SVEP1: variants seen among roughly 807,000 people sequenced by gnomAD.
SVEP1 encodes sushi, von Willebrand factor type A, EGF and pentraxin domain containing 1.
SVEP1 carries 164 observed loss-of-function variants against 367.3 expected under a neutral mutation model. The observed-to-expected ratio is 0.45, with a 90% CI of 0.39 to 0.51. SVEP1 has a LOEUF of 0.51. Ranked by LOEUF, SVEP1 falls within the 20% of genes least tolerant of loss-of-function variation. SVEP1 has a pLI of 0.00. For missense variants in SVEP1, 4,117 were observed against 4,425.3 expected, an observed-to-expected ratio of 0.93 and a Z score of 1.98; for synonymous variants, 1,666 against 1,611.6, an observed-to-expected ratio of 1.03 and a Z score of -0.81.
intron 1 of SVEP1, 83 bp downstream of exon 1, chr9:110,578,930 A>T: frequency 6.8e-7 from 1 of 1,465,016 alleles, no homozygotes; most frequent in Non-Finnish European, 9.1e-7. Flanking sequence ...CCAGGACTGA[A>T]CCCCGGGATA....
At chr9:110,527,090 T>G (rs1829948330) in intron 3 of SVEP1, among the ~76,000 whole-genome samples, 1 of 152,068 alleles carries the variant, frequency 6.6e-6, no homozygotes. Context: ...AGGATTATTG[T>G]GGTGGTAGAA....
chr9:110,566,688 C>T (rs931602688), intron 1 of SVEP1, among the ~76,000 whole-genome samples: 9 of 152,266 alleles, frequency 5.9e-5, no homozygotes, highest in Middle Eastern at 3.4e-3. Context: ...GGTGGTAATG[C>T]TTTTGGCAGA....
At chr9:110,509,928 C>T (rs146415527) in intron 5 of SVEP1, among the ~76,000 whole-genome samples, 293 of 151,908 alleles carry the variant, frequency 1.9e-3, no homozygotes, top group Non-Finnish European at 3.3e-3. Context: ...AAGTTAGTTA[C>T]ATTGGGAAAT....
intron 1 of SVEP1, 112 bp downstream of exon 1, chr9:110,578,901 T>TG (rs1361211477): frequency 4.2e-6 from 5 of 1,204,236 alleles, no homozygotes; most frequent in African/African-American, 1.6e-5. Flanking sequence ...ACGCTTGACT[T>TG]GGGGTGGTTA....
chr9:110,387,485 T>C (rs1379128742), intron 41 of SVEP1, 27 bp from the exon 42 acceptor site: 1 of 1,562,428 alleles, frequency 6.4e-7, no homozygotes, highest in Non-Finnish European at 8.6e-7. Flanking sequence ...AAGCCTCATA[T>C]TAATTGCTTC....
intron 8 of SVEP1, among the ~76,000 whole-genome samples, chr9:110,491,033 A>C (rs1829358571): frequency 6.6e-6 from 1 of 151,994 alleles, no homozygotes; most frequent in Non-Finnish European, 1.5e-5. Flanking sequence ...TTTAAACTAT[A>C]ATTTGGAAAT....
intron 36 of SVEP1, 74 bp downstream of exon 36, chr9:110,427,517 G>A: frequency 6.6e-7 from 1 of 1,507,372 alleles, no homozygotes; most frequent in Non-Finnish European, 8.9e-7. Context: ...GTGTCCAATG[G>A]AGCCCATCTC....
chr9:110,410,522 G>A (rs1479104355), intron 37 of SVEP1, among the ~76,000 whole-genome samples: 1 of 152,116 alleles, frequency 6.6e-6, no homozygotes, highest in Non-Finnish European at 1.5e-5. Context: ...TATCCATCCT[G>A]AAAAACCTCT....
chr9:110,465,797 T>C lies in SVEP1; in HGVS notation c.3322+68A>G. The C allele has an allele frequency of 2.0e-6, 3 of 1,523,788 alleles. No individual in the cohort carries two copies. In the South Asian group the frequency reaches 3.7e-5, roughly 19 times the overall value. 94.4% of individuals were successfully genotyped at this position (1,523,788 alleles called of 1,614,324 possible). On this transcript the variant is annotated intron_variant, in intron 18 of 47. Coordinates refer to ENST00000374469, the MANE Select transcript of SVEP1 (RefSeq NM_153366.4). ...AGTAGATGTATGTTTTTGCAGAAAA[T>C]ATGCCACTCCTTCATGCATAGAACC...
At chr9:110,474,609 C>T (rs1020240733) in intron 14 of SVEP1, among the ~76,000 whole-genome samples, 4 of 152,154 alleles carry the variant, frequency 2.6e-5, no homozygotes, top group East Asian at 1.9e-4. Flanking sequence ...CTTGTGCCCC[C>T]AAAACCTACC....
Position 110,411,584 on chromosome 9 carries a change from C to T in SVEP1, c.6127G>A (p.Ala2043Thr). 1 of 1,613,916 alleles carries T rather than the reference C, an allele frequency of 6.2e-7. No individual in the cohort carries two copies. The highest frequency in any genetic ancestry group is 8.5e-7 in the Non-Finnish European group (1 of 1,179,868). ...ETAHRLFGDI[A>T]FYYCSDGYSL... is the part of the protein sequence containing the mutation. ...TAACCATCAGAGCAGTAGTAGAATG[C>T]AATGTCTCCAAAGAGCCGATGGGCA... Residue 2043 changes from alanine to threonine, a missense_variant, in exon 37 of 48, where the codon GCA (alanine) becomes ACA (threonine). Ala to Thr is a moderately conservative substitution (Grantham distance 58). Around this residue, in one of 4 missense-constraint regions of SVEP1, gnomAD observed 2,174 missense variants for 2,494.3 expected, o/e 0.87. Coordinates refer to ENST00000374469, the MANE Select transcript of SVEP1 (RefSeq NM_153366.4).
chr9:110,522,753 G>T (rs1190562386), intron 3 of SVEP1, among the ~76,000 whole-genome samples: 1 of 152,098 alleles, frequency 6.6e-6, no homozygotes, highest in African/African-American at 2.4e-5. Flanking sequence ...GTAACATTCA[G>T]GCTGTAGTTG....
intron 1 of SVEP1, among the ~76,000 whole-genome samples, chr9:110,554,525 A>T (rs1283220897): frequency 1.3e-5 from 2 of 152,214 alleles, no homozygotes; most frequent in African/African-American, 4.8e-5. Context: ...GAATGTTCAA[A>T]ATGAGTTTGC....
chr9:110,445,860 G>C lies in SVEP1; in HGVS notation c.4440C>G (p.Thr1480=). Reference sequence around the variant, plus strand: ...ACCCGTTATAATCAGTCAGGAGCAAGGTATTGTCGCTGCCGTTATCAACTG... The same window carrying C: ...ACCCGTTATAATCAGTCAGGAGCAACGTATTGTCGCTGCCGTTATCAACTG... The part of the protein sequence containing the change: ...SYAVDNGSDN[T]LLLTDYNGWV... Residue 1480 remains threonine (T), a synonymous_variant, in exon 26 of 48, where the codon ACC becomes ACG. Transcript: ENST00000374469. 1 of 1,613,848 alleles carries C rather than the reference G, an allele frequency of 6.2e-7. No homozygotes were observed. Among genetic ancestry groups the C allele is most frequent in the Non-Finnish European group, 8.5e-7 (1 of 1,179,806 alleles).
In SVEP1 at chr9:110,366,009, A is replaced by G. The variant is rs1827193286; in HGVS notation, c.*530T>C. The G allele has an allele frequency of 6.6e-6, 1 of 152,232 alleles. No individual in the cohort carries two copies. The highest frequency in any genetic ancestry group is 1.5e-5 in the Non-Finnish European group (1 of 68,066). The allele number at this position is 152,232 out of a possible 1,614,324, so 9.4% of individuals were successfully genotyped here. A position where few individuals can be genotyped will look rare whatever the true frequency, so the allele number is the denominator to read the frequency against. ...CTCTCTGATTGATTAAATGAAAGAA[A>G]AAGCTTTTATTATTACACATATTGT... is the stretch of plus-strand genomic sequence containing the variant. On this transcript the variant is annotated 3_prime_UTR_variant, in exon 48 of 48. Transcript: ENST00000374469.
At chr9:110,514,252 C>G (rs1829766204) in intron 3 of SVEP1, 146 bp from the exon 4 acceptor site, 1 of 1,004,256 alleles carries the variant, frequency 1.0e-6, no homozygotes, top group Admixed American at 2.1e-5. Context: ...TGGCTCACGC[C>G]TGTAATCCCT....
At chr9:110,495,471 AAC>A (rs1829431544) in intron 8 of SVEP1, among the ~76,000 whole-genome samples, 1 of 152,212 alleles carries the variant, frequency 6.6e-6, no homozygotes, top group Non-Finnish European at 1.5e-5. Context: ...GAGACTGTTC[AAC>A]ACACAAACCA....
chr9:110,517,165 C>T lies in SVEP1; in HGVS notation c.965-3059G>A, dbSNP rs79947562. 2.8e-3 allele frequency among the ~76,000 whole-genome samples: 424 copies of T among 152,214 alleles called. 1 individual carries two copies. Among genetic ancestry groups the T allele is most frequent in the African/African-American group, 9.5e-3 (393 of 41,550 alleles). On this transcript the variant is annotated intron_variant, in intron 3 of 47. Transcript: ENST00000374469. ...ATGTGCATAGCTTAGAAAACAAAGC[C>T]ATTTTATTTTATGTCCAGGCATGGT...
intron 5 of SVEP1, among the ~76,000 whole-genome samples, chr9:110,506,112 T>C (rs1048218722): frequency 1.3e-5 from 2 of 152,200 alleles, no homozygotes; most frequent in Non-Finnish European, 1.5e-5. Context: ...AATGATGGTT[T>C]CCAGCTTCAT....
Sources: allele counts gnomAD v4.1 joint callset (sites outside exome capture counted in the v4.1 genomes callset), GRCh38; gene constraint gnomAD v4.1.1; regional missense constraint gnomAD v4.1.1; transcripts MANE v1.5; gene names NCBI Gene and HGNC (gene_info 2026-07-23, HGNC 2026-07-21).